The following DHRSX variants were observed in gnomAD, a reference collection of about 807,000 sequenced individuals.
DHRSX encodes dehydrogenase/reductase X-linked.
Under a neutral mutation model 34.0 loss-of-function variants are expected in DHRSX, and 31 were observed. The observed-to-expected ratio is 0.91, with a 90% confidence interval of 0.69 to 1.23. The LOEUF (loss-of-function observed/expected upper bound fraction) is 1.23, where lower values mean the gene tolerates loss of function less well. Ranked by LOEUF, DHRSX falls within the 50% of genes most tolerant of loss-of-function variation. The probability of loss-of-function intolerance (pLI) is 0.00; values close to 1 mark genes in which losing one functional copy is unlikely to be tolerated. For missense variants in DHRSX, 414 were observed against 428.1 expected (o/e 0.97, Z 0.29); for synonymous variants, 201 against 183.8 (o/e 1.09, Z -0.76).
intron 3 of DHRSX, among the ~76,000 whole-genome samples, chrX:2,374,092 C>T (rs370450629): frequency 1.3e-5 from 2 of 152,184 alleles, no homozygotes; most frequent in African/African-American, 4.8e-5. Context: ...TGGCCTACCA[C>T]CCTCATGTGA....
At chrX:2,313,144 A>G (rs1444105299) in intron 3 of DHRSX, among the ~76,000 whole-genome samples, 1 of 151,236 alleles carries the variant, frequency 6.6e-6, no homozygotes, top group African/African-American at 2.4e-5. Context: ...CTGGAATTAC[A>G]GGCACTTGCC....
intron 4 of DHRSX, among the ~76,000 whole-genome samples, chrX:2,289,762 G>A (rs2041845319): frequency 6.6e-6 from 1 of 152,206 alleles, no homozygotes; most frequent in African/African-American, 2.4e-5. Flanking sequence ...ACCCAGTGCT[G>A]AGACAGAAGA....
chrX:2,482,550 C>A (rs907655559), intron 1 of DHRSX, among the ~76,000 whole-genome samples: 1 of 152,140 alleles, frequency 6.6e-6, no homozygotes, highest in Non-Finnish European at 1.5e-5. Context: ...CAGGTGTGAG[C>A]CATTGTGCCC....
chrX:2,260,481 CAG>C (rs986825555), intron 5 of DHRSX, among the ~76,000 whole-genome samples: 1 of 147,594 alleles, frequency 6.8e-6, no homozygotes, highest in Non-Finnish European at 1.5e-5. Context: ...TTTTTTGAGA[CAG>C]AGTTTCGCTC....
At chrX:2,472,999 C>T (rs770707545) in intron 1 of DHRSX, among the ~76,000 whole-genome samples, 4 of 152,026 alleles carry the variant, frequency 2.6e-5, no homozygotes, top group South Asian at 4.2e-4. Flanking sequence ...CACCTGGCTC[C>T]GTCACTGATC....
At chrX:2,233,853 G>C (rs1329722497) in intron 6 of DHRSX, among the ~76,000 whole-genome samples, 2 of 152,130 alleles carry the variant, frequency 1.3e-5, no homozygotes, top group Non-Finnish European at 2.9e-5. Flanking sequence ...GTCAGAGAGA[G>C]GAATGAATGG....
intron 4 of DHRSX, among the ~76,000 whole-genome samples, chrX:2,282,859 AGGGGAGAGAGAG>A (rs1028422520): frequency 9.8e-5 from 9 of 91,754 alleles, no homozygotes; most frequent in African/African-American, 3.1e-4. Flanking sequence ...AGAAGGGAGA[AGGGGAGAGAGAG>A]GGGGAGAGAG....
At chrX:2,387,317 CAG>C (rs2043283535) in intron 3 of DHRSX, among the ~76,000 whole-genome samples, 1 of 152,084 alleles carries the variant, frequency 6.6e-6, no homozygotes, top group Admixed American at 6.6e-5. Flanking sequence ...CTGTATTGGT[CAG>C]GGTTCTCTAG....
intron 6 of DHRSX, among the ~76,000 whole-genome samples, chrX:2,235,219 G>A (rs1269725119): frequency 6.6e-6 from 1 of 152,124 alleles, no homozygotes; most frequent in Non-Finnish European, 1.5e-5. Context: ...ACTTGCAAGT[G>A]GGAGTTCACC....
chrX:2,435,604 G>C (rs747244675), intron 1 of DHRSX, among the ~76,000 whole-genome samples: 20 of 152,112 alleles, frequency 1.3e-4, no homozygotes, highest in African/African-American at 4.8e-4. Flanking sequence ...TCTCTACAAA[G>C]AAATTTAAAA....
At chrX:2,451,824 T>A (rs1490519920) in intron 1 of DHRSX, among the ~76,000 whole-genome samples, 3 of 152,168 alleles carry the variant, frequency 2.0e-5, no homozygotes, top group African/African-American at 7.2e-5. Context: ...AAAGGTTCCC[T>A]AAGAATGCGG....
intron 5 of DHRSX, among the ~76,000 whole-genome samples, chrX:2,266,168 T>C (rs1185519182): frequency 0.019 from 1,886 of 98,276 alleles, 13 homozygotes; most frequent in Non-Finnish European, 0.03. Context: ...GTACAGCAGA[T>C]GCAGGGAGCA....
intron 1 of DHRSX, among the ~76,000 whole-genome samples, chrX:2,445,690 C>G (rs2044122491): frequency 6.6e-6 from 1 of 151,222 alleles, no homozygotes; most frequent in African/African-American, 2.4e-5. Context: ...ACAATGTGGC[C>G]AAGGGACCAC....
chrX:2,282,811 A>G, intron 4 of DHRSX, among the ~76,000 whole-genome samples: 1 of 98,236 alleles, frequency 1.0e-5, no homozygotes, highest in South Asian at 3.8e-4. Context: ...GAGAAGAGAG[A>G]AAGAGAGAGA....
intron 3 of DHRSX, among the ~76,000 whole-genome samples, chrX:2,374,240 G>A (rs1042838232): frequency 4.6e-5 from 7 of 152,144 alleles, no homozygotes; most frequent in Admixed American, 4.6e-4. Context: ...TGGCTGATTT[G>A]GATTCTTGAC....
At chrX:2,407,637 T>A (rs1603058828) in intron 3 of DHRSX, among the ~76,000 whole-genome samples, 1 of 152,290 alleles carries the variant, frequency 6.6e-6, no homozygotes, top group South Asian at 2.1e-4. Context: ...TGCAAAACCT[T>A]CTGGCCTCCC....
chrX:2,357,885 A>G (rs1811918519), intron 3 of DHRSX, among the ~76,000 whole-genome samples: 1 of 152,130 alleles, frequency 6.6e-6, no homozygotes, highest in African/African-American at 2.4e-5. Flanking sequence ...GAAAATAGAG[A>G]AACACATGTA....
At chrX:2,456,928 A>G (rs1201068987) in intron 1 of DHRSX, among the ~76,000 whole-genome samples, 1 of 152,008 alleles carries the variant, frequency 6.6e-6, no homozygotes, top group Non-Finnish European at 1.5e-5. Context: ...GGGTGTAGGG[A>G]AAGAAGGATG....
intron 5 of DHRSX, among the ~76,000 whole-genome samples, chrX:2,254,177 A>T (rs369387097): frequency 6.6e-6 from 1 of 152,200 alleles, no homozygotes; most frequent in Admixed American, 6.5e-5. Context: ...GTCCTTTTAT[A>T]TGGATCAACA....
Sources: gnomAD v4.1 joint callset for allele counts (sites outside exome capture counted in the v4.1 genomes callset) on GRCh38, gnomAD v4.1.1 for gene constraint, MANE v1.5 for transcripts, NCBI Gene and HGNC (gene_info 2026-07-23, HGNC 2026-07-21) for gene names.